The following DOCK3 variants were observed in gnomAD, a reference collection of about 807,000 sequenced individuals.
The protein encoded by DOCK3 is dedicator of cytokinesis protein 3.
DOCK3 carries 60 observed loss-of-function variants against 265.6 expected under a neutral mutation model. The ratio of observed to expected loss-of-function variants is 0.23; its 90% CI spans 0.18 to 0.28. The LOEUF (loss-of-function observed/expected upper bound fraction) is 0.28. Ranked by LOEUF, DOCK3 falls within the 10% of genes least tolerant of loss-of-function variation. The pLI is 1.00. For missense variants in DOCK3, 1,981 were observed against 2,594.3 expected, an observed-to-expected ratio of 0.76 and a Z score of 5.14; for synonymous variants, 881 against 938.0, an observed-to-expected ratio of 0.94 and a Z score of 1.11.
rs1275369234 is a variant in DOCK3 at position 51,244,912 on chromosome 3, C to T, written c.2103-1814C>T. Among the ~76,000 whole-genome samples the T allele has an allele frequency of 3.3e-5, 5 of 152,124 alleles. No homozygotes were observed. In the East Asian group the frequency reaches 9.6e-4, roughly 29 times the overall value. ...GCTGCTAAAGATGTCTTGGTTTTTC[C>T]ATGAGAAACATTCGAATAGCTAAAA... On this transcript the variant is annotated intron_variant, in intron 21 of 52. Transcript: ENST00000266037.
chr3:50,864,076 A>G (rs2107527095), intron 3 of DOCK3, among the ~76,000 whole-genome samples: 1 of 152,174 alleles, frequency 6.6e-6, no homozygotes, highest in East Asian at 1.9e-4. Context: ...ATTTCTGCCA[A>G]CAGTGTATGT....
chr3:50,836,343 T>A (rs1424554090), intron 2 of DOCK3, among the ~76,000 whole-genome samples: 3 of 152,238 alleles, frequency 2.0e-5, no homozygotes. Context: ...GTACATCCTC[T>A]GAAATCTAGG....
intron 2 of DOCK3, among the ~76,000 whole-genome samples, chr3:50,802,384 C>T (rs1179391441): frequency 1.3e-5 from 2 of 151,968 alleles, no homozygotes; most frequent in African/African-American, 4.8e-5. Context: ...TATGTTTTAT[C>T]GATGGTGGTT....
At chr3:50,841,032 C>A (rs1432437214) in intron 2 of DOCK3, among the ~76,000 whole-genome samples, 2 of 152,184 alleles carry the variant, frequency 1.3e-5, no homozygotes, top group Admixed American at 6.5e-5. Context: ...CCCATTGGAG[C>A]TGCTTCCTTT....
intron 23 of DOCK3, among the ~76,000 whole-genome samples, chr3:51,262,730 C>G (rs539448814): frequency 6.6e-6 from 1 of 152,128 alleles, no homozygotes; most frequent in Non-Finnish European, 1.5e-5. Context: ...CATAAATGAC[C>G]TGATGGAGCT....
At chr3:50,947,297 A>G (rs1160422857) in intron 5 of DOCK3, among the ~76,000 whole-genome samples, 1 of 152,174 alleles carries the variant, frequency 6.6e-6, no homozygotes, top group African/African-American at 2.4e-5. Flanking sequence ...GTTTGAAAGC[A>G]TTTAGTCCCC....
chr3:50,767,731 T>C (rs1292742265), intron 1 of DOCK3, among the ~76,000 whole-genome samples: 2 of 152,212 alleles, frequency 1.3e-5, no homozygotes, highest in Non-Finnish European at 2.9e-5. Flanking sequence ...TTTCATGATA[T>C]AGATTCTTCC....
Position 51,374,672 on chromosome 3 carries a change from T to C in DOCK3, c.5412+85T>C, listed in dbSNP as rs2087951520. The C allele has an allele frequency of 8.7e-6, 11 of 1,259,634 alleles. No individual in the cohort carries two copies. The highest frequency in any genetic ancestry group is 1.2e-5 in the Non-Finnish European group (11 of 886,538). The allele number at this position is 1,259,634 out of a possible 1,614,324, so 78.0% of individuals were successfully genotyped here. On this transcript the variant is annotated intron_variant, in intron 50 of 52. Transcript: ENST00000266037. The surrounding 1 kb of genome is among the most constrained non-coding windows in gnomAD (Gnocchi z 4.8). ...CCTTGCATTTGCGGGGCCTTCTGCA[T>C]TGTCCTACATGGCTCTCTCATTCCG...
chr3:50,757,317 G>A (rs192588326), intron 1 of DOCK3, among the ~76,000 whole-genome samples: 8 of 151,720 alleles, frequency 5.3e-5, no homozygotes, highest in East Asian at 1.9e-4. Context: ...GATTACAGGC[G>A]CGCATCACCA....
intron 4 of DOCK3, among the ~76,000 whole-genome samples, chr3:50,891,173 T>C (rs2048622459): frequency 6.6e-6 from 1 of 152,092 alleles, no homozygotes; most frequent in African/African-American, 2.4e-5. Context: ...CTCTTCACCT[T>C]CTTTTCCCCA....
intron 23 of DOCK3, among the ~76,000 whole-genome samples, chr3:51,265,355 T>C (rs944433869): frequency 2.6e-5 from 4 of 152,140 alleles, no homozygotes; most frequent in African/African-American, 9.7e-5. Flanking sequence ...ATTTTATGAA[T>C]CCAGCATCAT....
At chr3:50,865,210 C>G (rs2047083762) in intron 3 of DOCK3, among the ~76,000 whole-genome samples, 1 of 152,084 alleles carries the variant, frequency 6.6e-6, no homozygotes, top group Non-Finnish European at 1.5e-5. Context: ...TGACTGTAGT[C>G]ACCATGTTGT....
intron 12 of DOCK3, among the ~76,000 whole-genome samples, chr3:51,204,019 A>G (rs1336719498): frequency 1.3e-5 from 2 of 151,488 alleles, no homozygotes; most frequent in African/African-American, 4.9e-5. Flanking sequence ...TCAATTCAAG[A>G]TGGATTAAAG....
rs565332933 is a variant in DOCK3, at chr3:51,198,673, G to A, written c.1038-10101G>A. ...TGCATTTCTGTGGGTTTGAAAACCC[G>A]CTTGCTCTTTATACGAATTCAAACT... On this transcript the variant is annotated intron_variant, in intron 12 of 52. Coordinates refer to ENST00000266037, the MANE Select transcript of DOCK3 (RefSeq NM_004947.5). Among the ~76,000 whole-genome samples the A allele has an allele frequency of 1.5e-4, 22 of 151,468 alleles. 1 individual carries two copies. In the South Asian group the frequency reaches 3.1e-3, roughly 22 times the overall value.
chr3:51,073,702 A>AT (rs2081963721), intron 6 of DOCK3, among the ~76,000 whole-genome samples: 1 of 152,148 alleles, frequency 6.6e-6, no homozygotes, highest in African/African-American at 2.4e-5. Flanking sequence ...CATTTTTTTA[A>AT]TTAGTGGATA....
intron 4 of DOCK3, 136 bp downstream of exon 4, chr3:50,890,217 A>AC: frequency 1.7e-6 from 1 of 591,402 alleles, no homozygotes; most frequent in Non-Finnish European, 2.7e-6. Flanking sequence ...TTTATCATGT[A>AC]ATTTTGAGGG....
At chr3:50,902,674 C>G (rs891702096) in intron 4 of DOCK3, among the ~76,000 whole-genome samples, 1 of 152,064 alleles carries the variant, frequency 6.6e-6, no homozygotes, top group African/African-American at 2.4e-5. Context: ...CTTTTTGTTT[C>G]ATAGGAATTT....
chr3:50,888,163 C>T (rs977733616), intron 3 of DOCK3, among the ~76,000 whole-genome samples: 6 of 152,114 alleles, frequency 3.9e-5, no homozygotes, highest in Non-Finnish European at 5.9e-5. Flanking sequence ...TCAGCAAAGT[C>T]TCAGGATACA....
intron 23 of DOCK3, among the ~76,000 whole-genome samples, chr3:51,261,655 T>C (rs748890152): frequency 6.6e-5 from 10 of 152,162 alleles, no homozygotes; most frequent in Non-Finnish European, 1.3e-4. Flanking sequence ...CAAGTTAAGA[T>C]CCACTGGCTT....
Sources: gnomAD v4.1 joint callset for allele counts (sites outside exome capture counted in the v4.1 genomes callset) on GRCh38, gnomAD v4.1.1 for gene constraint, Gnocchi (gnomAD v3.1) non-coding constraint, MANE v1.5 for transcripts, NCBI Gene and HGNC (gene_info 2026-07-23, HGNC 2026-07-21) for gene names.